Variants in FAM220A observed in about 807,000 individuals in gnomAD.
FAM220A encodes the protein family with sequence similarity 220 member A.
For synonymous variants in FAM220A, 141 were observed against 130.7 expected (o/e 1.08, Z -0.54); for missense variants, 392 against 321.6 (o/e 1.22, Z -1.68).
Position 6,331,055 on chromosome 7 carries a change from T to G in FAM220A, c.100A>C (p.Met34Leu). Residue 34 changes from methionine to leucine, a missense_variant, in exon 2 of 2, where the codon ATG becomes CTG. Coordinates refer to ENST00000313324, the MANE Select transcript of FAM220A (RefSeq NM_001037163.2). ...TCTGCAGGCCAAGGGCCCTCCGGCATTCTTTTCTTAAGGCTGCATGATAGT... is the reference window on the plus strand; with the variant it reads ...TCTGCAGGCCAAGGGCCCTCCGGCAGTCTTTTCTTAAGGCTGCATGATAGT... Reference protein sequence around the residue: ...DKLSCSLKKRMPEGPWPADAP... With the variant: ...DKLSCSLKKRLPEGPWPADAP... 2 of 1,613,826 alleles carry G rather than the reference T, an allele frequency of 1.2e-6. No homozygotes were observed. Among genetic ancestry groups the G allele is most frequent in the Non-Finnish European group, 1.7e-6 (2 of 1,179,996 alleles).
chr7:6,346,435 C>T (rs565915778), intron 1 of FAM220A, among the ~76,000 whole-genome samples: 1 of 152,088 alleles, frequency 6.6e-6, no homozygotes, highest in East Asian at 1.9e-4. Flanking sequence ...GGCACAATCT[C>T]GGCTCACTGC....
At chr7:6,337,918 C>T (rs1781777365) in intron 1 of FAM220A, among the ~76,000 whole-genome samples, 1 of 151,508 alleles carries the variant, frequency 6.6e-6, no homozygotes, top group Admixed American at 6.6e-5. Context: ...ATTCTCCTGC[C>T]TCACCCTCCC....
At position 6,330,263 on chromosome 7, in the gene FAM220A, A is replaced by G; in HGVS notation, c.*112T>C. On this transcript the variant is annotated 3_prime_UTR_variant, in exon 2 of 2. Transcript: ENST00000313324. Reference sequence around the variant, plus strand: ...TACTTTAAGTCTGCCAGGTCGTACAAAACTACAGCAGGAACCTAAGGGCTG... The same window carrying G: ...TACTTTAAGTCTGCCAGGTCGTACAGAACTACAGCAGGAACCTAAGGGCTG... 2.7e-6 allele frequency: 3 copies of G among 1,093,226 alleles called. No homozygotes were observed. The highest frequency in any genetic ancestry group is 3.9e-6 in the Non-Finnish European group (3 of 765,880). The allele number at this position is 1,093,226 out of a possible 1,614,324, so 67.7% of individuals were successfully genotyped here. A position where few individuals can be genotyped will look rare whatever the true frequency, so the allele number is the denominator to read the frequency against.
intron 1 of FAM220A, among the ~76,000 whole-genome samples, chr7:6,340,936 T>C (rs1781841465): frequency 8.5e-6 from 1 of 117,862 alleles, no homozygotes; most frequent in Non-Finnish European, 1.6e-5. Context: ...GCTGTCATCC[T>C]GCCTAACATG....
Position 6,343,397 on chromosome 7 carries a change from CATATATATATATATATATATATAT to C in FAM220A, c.-82+5152_-82+5175del, listed in dbSNP as rs10529573. Among the ~76,000 whole-genome samples, 115 of 86,988 alleles carry C rather than the reference CATATATATATATATATATATATAT, an allele frequency of 1.3e-3. 2 individuals carry two copies. The highest frequency in any genetic ancestry group is 7.6e-3 in the Middle Eastern group (1 of 132). The allele number at this position is 86,988 out of a possible 152,430, so 57.1% of individuals were successfully genotyped here. A position where few individuals can be genotyped will look rare whatever the true frequency, so the allele number is the denominator to read the frequency against. On this transcript the variant is annotated intron_variant, in intron 1 of 1. Transcript: ENST00000313324. ...CGTCTCAAAAAAATAATAATAATTT[CATATATATATATATATATATATAT>C]ATATATATATATATATATATATATG...
At chr7:6,341,041 G>A (rs1404365312) in intron 1 of FAM220A, among the ~76,000 whole-genome samples, 2 of 151,706 alleles carry the variant, frequency 1.3e-5, no homozygotes, top group Non-Finnish European at 2.9e-5. Context: ...CTACTCGGGA[G>A]GCTGAGGCAG....
At position 6,331,185 on chromosome 7, in the gene FAM220A, G is replaced by C. The variant is rs776414127; in HGVS notation, c.-31C>G. On this transcript the variant is annotated 5_prime_UTR_variant, in exon 2 of 2. Coordinates refer to ENST00000313324, the MANE Select transcript of FAM220A (RefSeq NM_001037163.2). ...GTGTTCTTGGATGCGGTGGGCCTGA[G>C]GTCACGCCTTCGTCAGTCTGGGAGG... The C allele has an allele frequency of 4.4e-6, 7 of 1,588,218 alleles. No homozygotes were observed. In the Admixed American group the frequency reaches 1.2e-4, roughly 28 times the overall value.
chr7:6,340,298 C>A (rs1328427033), intron 1 of FAM220A, among the ~76,000 whole-genome samples: 1 of 152,186 alleles, frequency 6.6e-6, no homozygotes, highest in African/African-American at 2.4e-5. Context: ...TCAGAATCAA[C>A]AGCAGCTACT....
intron 1 of FAM220A, among the ~76,000 whole-genome samples, chr7:6,345,661 C>T (rs1345449936): frequency 1.3e-5 from 2 of 152,104 alleles, no homozygotes; most frequent in Non-Finnish European, 2.9e-5. Flanking sequence ...CTGCAAATTA[C>T]GTTACTCTAG....
chr7:6,333,900 G>A (rs927214423), intron 1 of FAM220A, among the ~76,000 whole-genome samples: 7 of 138,802 alleles, frequency 5.0e-5, no homozygotes, highest in East Asian at 2.2e-4. Context: ...AGGCTGGAGT[G>A]CAGTGGCGCC....
At position 6,330,288 on chromosome 7, in the gene FAM220A, G is replaced by T; in HGVS notation, c.*87C>A. ...AAACTACAGCAGGAACCTAAGGGCT[G>T]CACAGTTTGCATCCAGACTTAATGC... On this transcript the variant is annotated 3_prime_UTR_variant, in exon 2 of 2. Transcript: ENST00000313324. 1.6e-6 allele frequency: 2 copies of T among 1,284,014 alleles called. No homozygotes were observed. The highest frequency in any genetic ancestry group is 1.4e-5 in the South Asian group (1 of 69,136). 79.5% of individuals were successfully genotyped at this position (1,284,014 alleles called of 1,614,324 possible).
Position 6,330,668 on chromosome 7 carries a change from C to T in FAM220A, c.487G>A (p.Glu163Lys). Residue 163 changes from glutamate to lysine, a missense_variant, in exon 2 of 2, where the codon GAA (glutamate) becomes AAA (lysine). Glu to Lys is a moderately conservative substitution (Grantham distance 56). Coordinates refer to ENST00000313324, the MANE Select transcript of FAM220A (RefSeq NM_001037163.2). ...GGGTCATCCTGAAAACTTCCCATTT[C>T]CGGCACTTTTTGATGGCGTGGCAGT... ...SRLPRHQKVP[E>K]MGSFQDDPPS... is the part of the protein sequence containing the mutation. The T allele has an allele frequency of 6.2e-7, 1 of 1,614,092 alleles. No individual in the cohort carries two copies. Among genetic ancestry groups the T allele is most frequent in the Non-Finnish European group, 8.5e-7 (1 of 1,180,024 alleles).
chr7:6,340,627 C>G (rs886828317), intron 1 of FAM220A, among the ~76,000 whole-genome samples: 2 of 152,092 alleles, frequency 1.3e-5, no homozygotes, highest in African/African-American at 4.8e-5. Context: ...TGAGTGCTGG[C>G]TGGGCATGGT....
intron 1 of FAM220A, chr7:6,342,110 G>C (rs1281144750): frequency 6.6e-6 from 1 of 152,156 alleles, no homozygotes; most frequent in Non-Finnish European, 1.5e-5. Context: ...CAGGTGCCAG[G>C]TGCTGTTCTA....
At chr7:6,340,829 G>C (rs931242185) in intron 1 of FAM220A, among the ~76,000 whole-genome samples, 7 of 148,782 alleles carry the variant, frequency 4.7e-5, no homozygotes, top group Non-Finnish European at 1.0e-4. Flanking sequence ...AACCCGGGAG[G>C]CGGAGCTGGC....
Position 6,330,526 on chromosome 7 carries a change from C to T in FAM220A, c.629G>A (p.Arg210His), listed in dbSNP as rs551319790. ...PEVLLSEETKRIFLDRLKPMF... is the reference protein window; with the variant it reads ...PEVLLSEETKHIFLDRLKPMF... Reference sequence around the variant, plus strand: ...GGGCTTTAAACGGTCAAGGAAAATGCGTTTTGTCTCCTCACTCAGGAGCAC... The same window carrying T: ...GGGCTTTAAACGGTCAAGGAAAATGTGTTTTGTCTCCTCACTCAGGAGCAC... The change falls in exon 2 of 2, where the codon CGC (arginine) becomes CAC (histidine). Residue 210 changes from arginine (R) to histidine (H), a missense_variant. Transcript: ENST00000313324. The T allele has an allele frequency of 3.5e-5, 56 of 1,614,106 alleles. No homozygotes were observed. The highest frequency in any genetic ancestry group is 9.9e-5 in the South Asian group (9 of 91,092).
At chr7:6,339,640 C>A (rs1256653999) in intron 1 of FAM220A, among the ~76,000 whole-genome samples, 1 of 151,870 alleles carries the variant, frequency 6.6e-6, no homozygotes, top group Non-Finnish European at 1.5e-5. Flanking sequence ...CCCGCCACCA[C>A]GCCTGGGTAA....
At chr7:6,346,230 G>A (rs1340257053) in intron 1 of FAM220A, among the ~76,000 whole-genome samples, 1 of 152,124 alleles carries the variant, frequency 6.6e-6, no homozygotes, top group Non-Finnish European at 1.5e-5. Context: ...AACTGACACA[G>A]GAGCACCCTT....
Position 6,348,858 on chromosome 7 carries a change from C to G in FAM220A, c.-367G>C, listed in dbSNP as rs949675892. The G allele has an allele frequency of 2.6e-6, 1 of 389,274 alleles. No homozygotes were observed. The highest frequency in any genetic ancestry group is 2.1e-5 in the African/African-American group (1 of 48,098). The allele number at this position is 389,274 out of a possible 1,614,324, so 24.1% of individuals were successfully genotyped here. A position where few individuals can be genotyped will look rare whatever the true frequency, so the allele number is the denominator to read the frequency against. On this transcript the variant is annotated 5_prime_UTR_variant, in exon 1 of 2. Coordinates refer to ENST00000313324, the MANE Select transcript of FAM220A (RefSeq NM_001037163.2). The stretch of plus-strand genomic sequence containing the variant: ...TGGCGTGCTCAGGGAGCGAAGGAGG[C>G]GGCGGCTAGACCGGCGGGCGGGCGG...
Sources: allele counts gnomAD v4.1 joint callset (sites outside exome capture counted in the v4.1 genomes callset), GRCh38; gene constraint gnomAD v4.1.1; transcripts MANE v1.5; gene names NCBI Gene and HGNC (gene_info 2026-07-23, HGNC 2026-07-21).